The following GPM6A variants were observed in gnomAD, a reference collection of about 807,000 sequenced individuals.
The protein encoded by GPM6A is glycoprotein M6A, also known as neuronal membrane glycoprotein M6-a.
In GPM6A, 7 loss-of-function variants were observed where a neutral mutation model predicts 32.1. The observed-to-expected ratio is 0.22, with a 90% confidence interval of 0.12 to 0.41. The LOEUF is 0.41. Ranked by LOEUF, GPM6A falls within the 10% of genes least tolerant of loss-of-function variation. GPM6A has a pLI of 1.00. For synonymous variants in GPM6A, 130 were observed against 123.4 expected (o/e 1.05, Z -0.35); for missense variants, 235 against 347.2 (o/e 0.68, Z 2.57).
intron 1 of GPM6A, among the ~76,000 whole-genome samples, chr4:175,997,241 T>G (rs923498969): frequency 1.3e-5 from 2 of 152,170 alleles, no homozygotes; most frequent in African/African-American, 4.8e-5. Flanking sequence ...ATTGTTGTTT[T>G]AATCCACTAG....
intron 1 of GPM6A, among the ~76,000 whole-genome samples, chr4:175,895,608 T>C (rs1316244402): frequency 6.6e-6 from 1 of 152,160 alleles, no homozygotes; most frequent in Non-Finnish European, 1.5e-5. Flanking sequence ...TATGAACAAG[T>C]TAAAATTCCA....
intron 1 of GPM6A, among the ~76,000 whole-genome samples, chr4:175,842,260 T>G (rs1276241360): frequency 6.6e-6 from 1 of 152,152 alleles, no homozygotes; most frequent in African/African-American, 2.4e-5. Context: ...TGTAAAATAA[T>G]TTTGACTCTG....
At chr4:175,874,349 G>A (rs1737012769) in intron 1 of GPM6A, among the ~76,000 whole-genome samples, 1 of 152,156 alleles carries the variant, frequency 6.6e-6, no homozygotes, top group South Asian at 2.1e-4. Flanking sequence ...TGCTGCAAAA[G>A]CTGAAAAGGG....
chr4:175,773,827 A>G (rs1306690277), intron 1 of GPM6A, among the ~76,000 whole-genome samples: 1 of 152,170 alleles, frequency 6.6e-6, no homozygotes, highest in African/African-American at 2.4e-5. Flanking sequence ...TCATTTCAGT[A>G]TATGCAAAGT....
Position 175,640,109 on chromosome 4 carries a change from C to T in GPM6A, c.684+20G>A, listed in dbSNP as rs762808344. On this transcript the variant is annotated intron_variant, in intron 6 of 6. Transcript: ENST00000393658. ...TGGAATTCACATTGAAAACCAAGCA[C>T]CAGCGCTTTGAGGTCTTACCATAGC... 4 of 1,591,554 alleles carry T rather than the reference C, an allele frequency of 2.5e-6. No homozygotes were observed. In the South Asian group the frequency reaches 4.4e-5, roughly 18 times the overall value.
intron 1 of GPM6A, among the ~76,000 whole-genome samples, chr4:175,941,714 C>A (rs1217875299): frequency 6.6e-6 from 1 of 152,168 alleles, no homozygotes; most frequent in Non-Finnish European, 1.5e-5. Flanking sequence ...AGGACATGAA[C>A]TCATCTTTTT....
chr4:175,672,546 A>T (rs1006139145), intron 3 of GPM6A, among the ~76,000 whole-genome samples: 4 of 152,212 alleles, frequency 2.6e-5, no homozygotes, highest in Admixed American at 2.6e-4. Flanking sequence ...CAAATTAGTC[A>T]TATTTTATTT....
intron 1 of GPM6A, among the ~76,000 whole-genome samples, chr4:175,712,041 A>T (rs1236224057): frequency 6.6e-6 from 1 of 152,236 alleles, no homozygotes; most frequent in Non-Finnish European, 1.5e-5. Flanking sequence ...ACACACAAAG[A>T]AATCTATGAC....
At chr4:175,785,291 C>T (rs1389059391) in intron 1 of GPM6A, among the ~76,000 whole-genome samples, 1 of 152,134 alleles carries the variant, frequency 6.6e-6, no homozygotes, top group African/African-American at 2.4e-5. Flanking sequence ...ATCAATTGAG[C>T]CCTCTTAGAC....
chr4:175,796,734 T>C (rs1218816945), intron 1 of GPM6A, among the ~76,000 whole-genome samples: 1 of 152,218 alleles, frequency 6.6e-6, no homozygotes, highest in African/African-American at 2.4e-5. Context: ...TGGAAGAAGT[T>C]GTGAAGTTTA....
intron 1 of GPM6A, among the ~76,000 whole-genome samples, chr4:175,712,343 G>A (rs1294651099): frequency 6.6e-6 from 1 of 152,180 alleles, no homozygotes; most frequent in East Asian, 1.9e-4. Flanking sequence ...CTATGGCAGA[G>A]CCAGGAGGCC....
chr4:175,670,966 C>T (rs899265905), intron 3 of GPM6A, among the ~76,000 whole-genome samples: 69 of 150,064 alleles, frequency 4.6e-4, no homozygotes, highest in Admixed American at 1.5e-3. Context: ...TGGGTTCAAG[C>T]GATTCTCCTG....
upstream of GPM6A, among the ~76,000 whole-genome samples, chr4:175,815,808 C>T (rs1286150897): frequency 2.6e-5 from 4 of 151,260 alleles, no homozygotes; most frequent in East Asian, 5.8e-4. Flanking sequence ...ACCTCTGCCT[C>T]CCGGATTCAA....
intron 1 of GPM6A, among the ~76,000 whole-genome samples, chr4:175,712,292 C>G (rs1031224063): frequency 2.0e-5 from 3 of 152,194 alleles, no homozygotes; most frequent in Non-Finnish European, 4.4e-5. Context: ...CTTCCTGTAG[C>G]TCTTACAGCC....
chr4:175,801,589 A>C (rs1307225528), intron 1 of GPM6A, among the ~76,000 whole-genome samples: 1 of 152,074 alleles, frequency 6.6e-6, no homozygotes, highest in Non-Finnish European at 1.5e-5. Context: ...GAATGAAATG[A>C]CCAGTGGATA....
chr4:175,980,018 C>G (rs1740775176), intron 1 of GPM6A, among the ~76,000 whole-genome samples: 1 of 152,130 alleles, frequency 6.6e-6, no homozygotes, highest in Non-Finnish European at 1.5e-5. Context: ...CTGCTAAGGT[C>G]TGGGTACTGT....
chr4:175,976,626 G>A (rs1740671929), intron 1 of GPM6A, among the ~76,000 whole-genome samples: 1 of 152,116 alleles, frequency 6.6e-6, no homozygotes, highest in Non-Finnish European at 1.5e-5. Context: ...CAACAAAGAG[G>A]GCAAAGTGCC....
At chr4:175,836,808 A>G (rs1200244636) in intron 1 of GPM6A, among the ~76,000 whole-genome samples, 1 of 152,178 alleles carries the variant, frequency 6.6e-6, no homozygotes, top group Non-Finnish European at 1.5e-5. Flanking sequence ...GCTTTTATGG[A>G]ACATGAGATT....
intron 1 of GPM6A, among the ~76,000 whole-genome samples, chr4:175,977,172 G>A (rs1027843053): frequency 1.3e-5 from 2 of 152,176 alleles, no homozygotes; most frequent in Admixed American, 6.5e-5. Flanking sequence ...ATTCATCAAA[G>A]TTAGACTTTG....
Sources: allele counts gnomAD v4.1 joint callset (sites outside exome capture counted in the v4.1 genomes callset), GRCh38; gene constraint gnomAD v4.1.1; transcripts MANE v1.5; gene names NCBI Gene and HGNC (gene_info 2026-07-23, HGNC 2026-07-21).